The following MYO1D variants were observed in gnomAD, a reference collection of about 807,000 sequenced individuals.
MYO1D encodes the protein myosin ID, also known as unconventional myosin-Id.
MYO1D carries 83 observed loss-of-function variants against 122.0 expected under a neutral mutation model. The ratio of observed to expected loss-of-function variants is 0.68; its 90% CI spans 0.57 to 0.82. The LOEUF (loss-of-function observed/expected upper bound fraction) is 0.82, where lower values mean the gene tolerates loss of function less well. Ranked by LOEUF, MYO1D falls within the 40% of genes least tolerant of loss-of-function variation. The probability of loss-of-function intolerance (pLI) is 0.00; values close to 1 mark genes in which losing one functional copy is unlikely to be tolerated. For missense variants in MYO1D, 1,157 were observed against 1,269.5 expected (o/e 0.91, Z 1.35); for synonymous variants, 464 against 446.9 (o/e 1.04, Z -0.48).
At chr17:32,693,489 G>A (rs1567952391) in intron 16 of MYO1D, among the ~76,000 whole-genome samples, 1 of 152,134 alleles carries the variant, frequency 6.6e-6, no homozygotes, top group Non-Finnish European at 1.5e-5. Context: ...AAGAATAAAA[G>A]TGGTATTTCC....
At chr17:32,572,984 C>T (rs76222148) in intron 21 of MYO1D, among the ~76,000 whole-genome samples, 10,672 of 152,032 alleles carry the variant, frequency 0.07, 557 homozygotes, top group African/African-American at 0.15. Context: ...CGTTCATACC[C>T]CTTTCTAGAA....
chr17:32,688,544 C>T (rs1053561026), intron 16 of MYO1D, among the ~76,000 whole-genome samples: 1 of 152,106 alleles, frequency 6.6e-6, no homozygotes. Flanking sequence ...GAGGCAGAAT[C>T]GAACTTGAAG....
chr17:32,829,590 A>G (rs2090753576), intron 1 of MYO1D, among the ~76,000 whole-genome samples: 2 of 152,296 alleles, frequency 1.3e-5, no homozygotes, highest in South Asian at 4.1e-4. Flanking sequence ...AGTAGCTGGG[A>G]CTACAGAAGT....
chr17:32,816,722 C>A (rs1214954174), intron 1 of MYO1D, among the ~76,000 whole-genome samples: 1 of 152,104 alleles, frequency 6.6e-6, no homozygotes, highest in Admixed American at 6.5e-5. Flanking sequence ...TGGTCTAAAT[C>A]TAATAAATGG....
At chr17:32,826,456 TTAAATATTTAGTTGCAAA>T (rs1359897788) in intron 1 of MYO1D, among the ~76,000 whole-genome samples, 2 of 152,256 alleles carry the variant, frequency 1.3e-5, no homozygotes, top group African/African-American at 4.8e-5. Flanking sequence ...GAATAGGAGC[TTAAATATTTAGTTGCAAA>T]TGAGTAAATC....
At chr17:32,860,660 T>C (rs1309763286) in intron 1 of MYO1D, among the ~76,000 whole-genome samples, 1 of 152,212 alleles carries the variant, frequency 6.6e-6, no homozygotes, top group Non-Finnish European at 1.5e-5. Flanking sequence ...GCTACTTGAT[T>C]GCAAAGCAAA....
chr17:32,748,088 T>C (rs1476570706), intron 12 of MYO1D, among the ~76,000 whole-genome samples: 3 of 152,182 alleles, frequency 2.0e-5, no homozygotes, highest in African/African-American at 7.2e-5. Context: ...AAGCCACCGA[T>C]TGTGGTTAAT....
At chr17:32,680,599 C>T (rs2088900029) in intron 16 of MYO1D, among the ~76,000 whole-genome samples, 1 of 138,970 alleles carries the variant, frequency 7.2e-6, no homozygotes, top group African/African-American at 2.7e-5. Context: ...CCTTGCATCC[C>T]AGGGATGAAG....
chr17:32,745,709 T>C (rs1007906969), intron 12 of MYO1D: 2 of 159,470 alleles, frequency 1.3e-5, no homozygotes, highest in Non-Finnish European at 2.7e-5. Flanking sequence ...ATGGTAATAA[T>C]TGGATAAGCA....
intron 16 of MYO1D, among the ~76,000 whole-genome samples, chr17:32,694,632 C>T (rs908591079): frequency 2.3e-5 from 3 of 131,076 alleles, no homozygotes; most frequent in South Asian, 5.0e-4. Flanking sequence ...ACCCGGGAAG[C>T]GGAGCTTGCA....
At chr17:32,845,819 A>G (rs1315522849) in intron 1 of MYO1D, among the ~76,000 whole-genome samples, 1 of 152,180 alleles carries the variant, frequency 6.6e-6, no homozygotes, top group Non-Finnish European at 1.5e-5. Context: ...TTCCCACTCC[A>G]AGGACATTTT....
intron 5 of MYO1D, among the ~76,000 whole-genome samples, chr17:32,772,046 TGTCTATTAAAGCA>T (rs946067766): frequency 3.3e-5 from 5 of 152,238 alleles, no homozygotes; most frequent in African/African-American, 1.2e-4. Context: ...AAATGAGTAG[TGTCTATTAAAGCA>T]GTTACCTAGA....
chr17:32,706,770 C>T (rs321178), intron 16 of MYO1D, among the ~76,000 whole-genome samples: 68,769 of 151,878 alleles, frequency 0.45, 15,903 homozygotes, highest in East Asian at 0.73. Flanking sequence ...GATCTCAGCT[C>T]ACTGCAAGCT....
intron 14 of MYO1D, among the ~76,000 whole-genome samples, chr17:32,724,556 C>T (rs1187880317): frequency 6.6e-6 from 1 of 152,158 alleles, no homozygotes; most frequent in Admixed American, 6.5e-5. Context: ...TTTGAGGCTG[C>T]CTTTTTTTCC....
At chr17:32,726,889 A>G (rs550210308) in intron 14 of MYO1D, among the ~76,000 whole-genome samples, 1 of 152,232 alleles carries the variant, frequency 6.6e-6, no homozygotes, top group Non-Finnish European at 1.5e-5. Flanking sequence ...ATAGCATACA[A>G]GTTAGGAGGA....
intron 21 of MYO1D, among the ~76,000 whole-genome samples, chr17:32,603,450 AGCTT>A (rs1328925108): frequency 3.3e-5 from 5 of 152,140 alleles, no homozygotes; most frequent in African/African-American, 7.2e-5. Context: ...CAGGAAAATA[AGCTT>A]GCTTATTTGA....
chr17:32,523,036 C>T (rs985708340), intron 21 of MYO1D, among the ~76,000 whole-genome samples: 2 of 152,138 alleles, frequency 1.3e-5, no homozygotes, highest in African/African-American at 2.4e-5. Context: ...AGGATGGTCT[C>T]GATCTCCTGA....
chr17:32,796,334 T>C (rs1250293918), intron 1 of MYO1D, among the ~76,000 whole-genome samples: 2 of 152,188 alleles, frequency 1.3e-5, no homozygotes, highest in African/African-American at 4.8e-5. Flanking sequence ...GAAAACTCTT[T>C]AGTAGGCATT....
intron 20 of MYO1D, among the ~76,000 whole-genome samples, chr17:32,613,557 C>T (rs2036536195): frequency 1.3e-5 from 2 of 151,938 alleles, no homozygotes; most frequent in African/African-American, 4.8e-5. Context: ...GGGCAGATCA[C>T]GAGGTCAGGA....
Sources: gnomAD v4.1 joint callset for allele counts (sites outside exome capture counted in the v4.1 genomes callset) on GRCh38, gnomAD v4.1.1 for gene constraint, MANE v1.5 for transcripts, NCBI Gene and HGNC (gene_info 2026-07-23, HGNC 2026-07-21) for gene names.